The following TMEM120B variants were observed in gnomAD, a reference collection of about 807,000 sequenced individuals.
TMEM120B encodes transmembrane protein 120B.
TMEM120B carries 31 observed loss-of-function variants against 55.5 expected under a neutral mutation model. The ratio of observed to expected loss-of-function variants is 0.56; its 90% CI spans 0.42 to 0.75. The LOEUF is 0.75. TMEM120B is among the 30% of genes least tolerant of loss of function. The pLI is 0.00. For missense variants in TMEM120B, 399 were observed against 425.5 expected (o/e 0.94, Z 0.55); for synonymous variants, 203 against 176.3 (o/e 1.15, Z -1.20).
chr12:121,767,152 A>G (rs570677826), intron 6 of TMEM120B, among the ~76,000 whole-genome samples: 5 of 151,786 alleles, frequency 3.3e-5, no homozygotes, highest in South Asian at 2.1e-4. Flanking sequence ...AGCTCCTGCA[A>G]GGTTTCTTTT....
At chr12:121,716,982 G>A (rs1894714961) in intron 1 of TMEM120B, among the ~76,000 whole-genome samples, 1 of 152,312 alleles carries the variant, frequency 6.6e-6, no homozygotes, top group Non-Finnish European at 1.5e-5. Context: ...CTCTGGGACT[G>A]AGGAGAGGAA....
In TMEM120B at chr12:121,781,926, C is replaced by G. The variant is rs565272169; in HGVS notation, c.*6204C>G. ...GAGGCCGTGACGCCTGGCTCCGCCC[C>G]GAGACGAGCTGAATCCAAATACGGA... On this transcript the variant is annotated 3_prime_UTR_variant, in exon 12 of 12. Transcript: ENST00000449592. The G allele has an allele frequency of 7.2e-5, 11 of 152,222 alleles. No homozygotes were observed. Among genetic ancestry groups the G allele is most frequent in the African/African-American group, 2.7e-4 (11 of 41,464 alleles). The allele number at this position is 152,222 out of a possible 1,614,324, so 9.4% of individuals were successfully genotyped here.
At chr12:121,762,271 CAAAAAA>C (rs796129443) in intron 6 of TMEM120B, among the ~76,000 whole-genome samples, 2 of 117,244 alleles carry the variant, frequency 1.7e-5, no homozygotes, top group East Asian at 2.5e-4. Context: ...GACTCTGTCT[CAAAAAA>C]AAAAAAAAAA....
intron 6 of TMEM120B, among the ~76,000 whole-genome samples, chr12:121,763,404 C>T (rs890687204): frequency 4.0e-5 from 6 of 151,788 alleles, no homozygotes; most frequent in Non-Finnish European, 5.9e-5. Flanking sequence ...CCTCGTGATC[C>T]GCCCACCTCA....
At chr12:121,736,836 C>T (rs1368416540) in intron 1 of TMEM120B, among the ~76,000 whole-genome samples, 5 of 152,140 alleles carry the variant, frequency 3.3e-5, no homozygotes, top group African/African-American at 9.7e-5. Flanking sequence ...CGAGCCACTG[C>T]ACCTGGCCTG....
chr12:121,723,338 T>G (rs1894832825), intron 1 of TMEM120B, among the ~76,000 whole-genome samples: 1 of 152,070 alleles, frequency 6.6e-6, no homozygotes, highest in South Asian at 2.1e-4. Context: ...CAGCTAATGT[T>G]CTAATCTTCT....
intron 6 of TMEM120B, among the ~76,000 whole-genome samples, chr12:121,768,083 G>T (rs1281501342): frequency 1.3e-5 from 2 of 152,186 alleles, no homozygotes; most frequent in Non-Finnish European, 2.9e-5. Flanking sequence ...CAGAAATTTG[G>T]AGCCCAGGGG....
chr12:121,769,087 A>G (rs555961477), intron 6 of TMEM120B, among the ~76,000 whole-genome samples: 95 of 149,378 alleles, frequency 6.4e-4, no homozygotes, highest in African/African-American at 2.3e-3. Context: ...CGGAGGTTGT[A>G]GTGAGCCAAG....
At chr12:121,771,365 T>A in intron 7 of TMEM120B, 123 bp from the exon 8 acceptor site, 1 of 850,704 alleles carries the variant, frequency 1.2e-6, no homozygotes, top group Non-Finnish European at 2.0e-6. Flanking sequence ...AGGGCGGAAG[T>A]CTGGACCTCA....
rs984449284 is a variant in TMEM120B at position 121,781,112 on chromosome 12, G to C, written c.*5390G>C. 4 of 1,614,242 alleles carry C rather than the reference G, an allele frequency of 2.5e-6. No homozygotes were observed. The Admixed American group carries it at 6.7e-5, about 27-fold the overall frequency. On this transcript the variant is annotated 3_prime_UTR_variant, in exon 12 of 12. Transcript: ENST00000449592. ...ATGAGGACGTTGTCGTAGCTGGTGGGATTCATGACGTCATAGCAGATGAGC... is the reference window on the plus strand; with the variant it reads ...ATGAGGACGTTGTCGTAGCTGGTGGCATTCATGACGTCATAGCAGATGAGC...
chr12:121,762,399 A>C (rs947293945), intron 6 of TMEM120B, among the ~76,000 whole-genome samples: 1 of 151,978 alleles, frequency 6.6e-6, no homozygotes, highest in African/African-American at 2.4e-5. Flanking sequence ...GCACCCAGCA[A>C]CTCCAGGCTC....
intron 1 of TMEM120B, among the ~76,000 whole-genome samples, chr12:121,737,901 T>C (rs1872804557): frequency 6.6e-6 from 1 of 151,636 alleles, no homozygotes; most frequent in Admixed American, 6.6e-5. Flanking sequence ...TCCCAGCTAC[T>C]TGGGAGGCTG....
chr12:121,758,873 C>T (rs1385032014), intron 5 of TMEM120B: 46 of 975,516 alleles, frequency 4.7e-5, no homozygotes, highest in Admixed American at 1.3e-4. Context: ...GGCCCAGCCC[C>T]GTGCTGTGGT....
chr12:121,719,768 C>T (rs1894762258), intron 1 of TMEM120B, among the ~76,000 whole-genome samples: 1 of 152,000 alleles, frequency 6.6e-6, no homozygotes, highest in African/African-American at 2.4e-5. Flanking sequence ...TGTCTCGGCT[C>T]ACTGCAACCT....
intron 1 of TMEM120B, among the ~76,000 whole-genome samples, chr12:121,728,652 C>G (rs1480639016): frequency 1.3e-5 from 2 of 152,100 alleles, no homozygotes; most frequent in African/African-American, 4.8e-5. Context: ...ACACTCAGCC[C>G]CAACTGGGAA....
At chr12:121,729,916 G>C (rs1277670254) in intron 1 of TMEM120B, among the ~76,000 whole-genome samples, 9 of 152,072 alleles carry the variant, frequency 5.9e-5, no homozygotes, top group Admixed American at 5.2e-4. Flanking sequence ...GTGGAGGCGT[G>C]GATAAATAAA....
rs1874407737 is a variant in TMEM120B at position 121,780,447 on chromosome 12, C to T, written c.*4725C>T. 3.4e-6 allele frequency: 1 copy of T among 290,026 alleles called. No individual in the cohort carries two copies. Among genetic ancestry groups the T allele is most frequent in the South Asian group, 1.1e-4 (1 of 8,988 alleles). The allele number at this position is 290,026 out of a possible 1,614,324, so 18.0% of individuals were successfully genotyped here. A position where few individuals can be genotyped will look rare whatever the true frequency, so the allele number is the denominator to read the frequency against. On this transcript the variant is annotated 3_prime_UTR_variant, in exon 12 of 12. Coordinates refer to ENST00000449592, the MANE Select transcript of TMEM120B (RefSeq NM_001080825.2). ...TCTGTTTATTCCCCCATGCCTCACC[C>T]AAAGAGTTGCACGGTCAATTGGCCC...
chr12:121,750,531 C>G, intron 4 of TMEM120B, 92 bp downstream of exon 4: 1 of 964,104 alleles, frequency 1.0e-6, no homozygotes, highest in Non-Finnish European at 1.6e-6. Context: ...GAACCCACAC[C>G]CCACATCCAC....
intron 5 of TMEM120B, chr12:121,758,203 C>T (rs1316970085): frequency 1.0e-6 from 1 of 985,356 alleles, no homozygotes; most frequent in Non-Finnish European, 1.2e-6. Context: ...CACTGACTCT[C>T]TCACAGAGTT....
Sources: allele counts gnomAD v4.1 joint callset (sites outside exome capture counted in the v4.1 genomes callset), GRCh38; gene constraint gnomAD v4.1.1; transcripts MANE v1.5; gene names NCBI Gene and HGNC (gene_info 2026-07-23, HGNC 2026-07-21).